The following SFSWAP variants were observed in gnomAD, a reference collection of about 807,000 sequenced individuals.
SFSWAP encodes the protein splicing factor, suppressor of white-apricot homolog.
SFSWAP carries 17 observed loss-of-function variants against 100.7 expected under a neutral mutation model. The ratio of observed to expected loss-of-function variants is 0.17; its 90% CI spans 0.12 to 0.25. The LOEUF (loss-of-function observed/expected upper bound fraction) is 0.25. Ranked by LOEUF, SFSWAP falls within the 10% of genes least tolerant of loss-of-function variation. The pLI, the probability that SFSWAP is intolerant of heterozygous loss-of-function variation, is 1.00. For missense variants in SFSWAP, 1,005 were observed against 1,262.6 expected (o/e 0.80, Z 3.09); for synonymous variants, 504 against 510.1 (o/e 0.99, Z 0.16).
At chr12:131,798,308 A>G (rs1885820069) in intron 16 of SFSWAP, among the ~76,000 whole-genome samples, 1 of 152,112 alleles carries the variant, frequency 6.6e-6, no homozygotes, top group African/African-American at 2.4e-5. Context: ...TGTTTCTGAA[A>G]ATGTAATAAT....
intron 13 of SFSWAP, among the ~76,000 whole-genome samples, chr12:131,772,594 C>T (rs1398658313): frequency 6.6e-6 from 1 of 152,176 alleles, no homozygotes; most frequent in African/African-American, 2.4e-5. Context: ...AAGGAACTCT[C>T]CTCTCTGGCG....
At chr12:131,791,486 T>G (rs1885223363) in intron 15 of SFSWAP, among the ~76,000 whole-genome samples, 1 of 149,486 alleles carries the variant, frequency 6.7e-6, no homozygotes, top group African/African-American at 2.5e-5. Flanking sequence ...GGCACGATGG[T>G]TCACATCTGT....
intron 7 of SFSWAP, among the ~76,000 whole-genome samples, chr12:131,736,966 A>G (rs556890002): frequency 3.3e-4 from 50 of 152,236 alleles, no homozygotes; most frequent in Non-Finnish European, 6.8e-4. Context: ...TCTAAAACAC[A>G]CGTGCCTCCA....
chr12:131,798,212 G>A (rs957717849), intron 16 of SFSWAP, among the ~76,000 whole-genome samples: 1 of 152,170 alleles, frequency 6.6e-6, no homozygotes, highest in Non-Finnish European at 1.5e-5. Flanking sequence ...GCTAAGGTGA[G>A]AGGATTGCTT....
chr12:131,715,449 A>G (rs925952533), intron 3 of SFSWAP, among the ~76,000 whole-genome samples: 3 of 152,228 alleles, frequency 2.0e-5, no homozygotes, highest in Non-Finnish European at 2.9e-5. Flanking sequence ...CACCTAGGGC[A>G]TATACTTACC....
chr12:131,781,526 C>T (rs1011506286), intron 14 of SFSWAP, among the ~76,000 whole-genome samples: 10 of 152,132 alleles, frequency 6.6e-5, no homozygotes, highest in East Asian at 3.9e-4. Context: ...CGTGAGCCAC[C>T]GCGCCCGGCC....
intron 16 of SFSWAP, among the ~76,000 whole-genome samples, chr12:131,798,610 G>A (rs900728447): frequency 4.6e-5 from 7 of 152,132 alleles, no homozygotes; most frequent in African/African-American, 1.7e-4. Flanking sequence ...TACTGGAGGG[G>A]TGGGCGCGGC....
At chr12:131,777,747 A>G (rs1884142037) in intron 13 of SFSWAP, among the ~76,000 whole-genome samples, 1 of 152,214 alleles carries the variant, frequency 6.6e-6, no homozygotes, top group Admixed American at 6.5e-5. Flanking sequence ...TGAACTAAAA[A>G]GGAACGTATT....
chr12:131,731,185 C>T (rs1007311662), intron 7 of SFSWAP, among the ~76,000 whole-genome samples: 6 of 152,214 alleles, frequency 3.9e-5, no homozygotes, highest in Admixed American at 1.3e-4. Context: ...TAAACCTGTA[C>T]TCAGGCGCTC....
Position 131,734,805 on chromosome 12 carries a change from G to A in SFSWAP, c.1081+6377G>A, listed in dbSNP as rs1028283172. ...GAACGAGCTCTCCCTGCGTGCGCAC[G>A]TCTACGTACGCTCGTGTATGCTGAG... On this transcript the variant is annotated intron_variant, in intron 7 of 17. Transcript: ENST00000261674. This position sits in a 1 kb window ranked among gnomAD's most constrained non-coding sequence, Gnocchi z 4.9. Among the ~76,000 whole-genome samples the A allele has an allele frequency of 3.3e-5, 5 of 152,136 alleles. No individual in the cohort carries two copies. The highest frequency in any genetic ancestry group is 4.8e-5 in the African/African-American group (2 of 41,514).
chr12:131,718,514 C>T (rs985491689), intron 3 of SFSWAP, among the ~76,000 whole-genome samples: 1 of 152,112 alleles, frequency 6.6e-6, no homozygotes, highest in Non-Finnish European at 1.5e-5. Context: ...AGTACGTTGT[C>T]TACCACATAG....
chr12:131,711,764 C>G lies in SFSWAP; in HGVS notation c.218+317C>G, dbSNP rs2136169819. 1 of 345,902 alleles carries G rather than the reference C, an allele frequency of 2.9e-6. No individual in the cohort carries two copies. The highest frequency in any genetic ancestry group is 6.3e-5 in the East Asian group (1 of 15,878). The allele number at this position is 345,902 out of a possible 1,614,324, so 21.4% of individuals were successfully genotyped here. On this transcript the variant is annotated intron_variant, in intron 1 of 17. Coordinates refer to ENST00000261674, the MANE Select transcript of SFSWAP (RefSeq NM_004592.4). This position sits in a 1 kb window ranked among gnomAD's most constrained non-coding sequence, Gnocchi z 4.9. ...TTCCGCGCGGTGAAAGCAGCCAGTG[C>G]CCAGGGTCTTTTCCTGAGTGCACCT...
chr12:131,754,569 A>C, intron 9 of SFSWAP, 70 bp downstream of exon 9: 1 of 1,130,166 alleles, frequency 8.8e-7, no homozygotes, highest in Non-Finnish European at 1.2e-6. Context: ...TTTTAAAAAA[A>C]TGTAGGTACA....
At position 131,725,391 on chromosome 12, in the gene SFSWAP, G is replaced by T. The variant is rs1267631631; in HGVS notation, c.607-14G>T. On this transcript the variant is annotated splice_polypyrimidine_tract_variant and intron_variant, in intron 4 of 17. Coordinates refer to ENST00000261674, the MANE Select transcript of SFSWAP (RefSeq NM_004592.4). This position sits in a 1 kb window ranked among gnomAD's most constrained non-coding sequence, Gnocchi z 4.3. ...GGACAAATGGGTGACGTGAATATGT[G>T]TGTTTTCCCGTAGCCACCAACCGCT... The T allele has an allele frequency of 2.5e-6, 4 of 1,607,500 alleles. No individual in the cohort carries two copies. Among genetic ancestry groups the T allele is most frequent in the South Asian group, 1.1e-5 (1 of 90,928 alleles).
chr12:131,755,579 C>G, intron 10 of SFSWAP, 100 bp downstream of exon 10: 1 of 768,360 alleles, frequency 1.3e-6, no homozygotes, highest in Admixed American at 2.5e-5. Context: ...GGTGAAAGGG[C>G]TGGGTGATTC....
At chr12:131,751,433 C>A (rs1463254280) in intron 7 of SFSWAP, among the ~76,000 whole-genome samples, 14 of 152,202 alleles carry the variant, frequency 9.2e-5, no homozygotes, top group African/African-American at 3.1e-4. Flanking sequence ...GGAGACCTGA[C>A]AGTAGCCAGT....
At chr12:131,758,100 C>G (rs1259941429) in intron 11 of SFSWAP, 1 of 152,846 alleles carries the variant, frequency 6.5e-6, no homozygotes, top group African/African-American at 2.4e-5. Context: ...CAGAACACAA[C>G]CACAGCCCGA....
At chr12:131,754,548 G>A (rs375128467) in intron 9 of SFSWAP, 49 bp downstream of exon 9, 61 of 1,290,946 alleles carry the variant, frequency 4.7e-5, no homozygotes, top group African/African-American at 7.9e-5. Flanking sequence ...TGGGGGTTTC[G>A]TTTAGCCTTT....
chr12:131,768,460 G>A (rs185413933), intron 13 of SFSWAP, among the ~76,000 whole-genome samples: 6 of 152,252 alleles, frequency 3.9e-5, no homozygotes, highest in African/African-American at 1.4e-4. Flanking sequence ...CTTGTTTTGG[G>A]AGTCAGTCTG....
Sources: allele counts gnomAD v4.1 joint callset (sites outside exome capture counted in the v4.1 genomes callset), GRCh38; gene constraint gnomAD v4.1.1; non-coding constraint Gnocchi (gnomAD v3.1); transcripts MANE v1.5; gene names NCBI Gene and HGNC (gene_info 2026-07-23, HGNC 2026-07-21).